The following KAT6B variants were observed in gnomAD, a reference collection of about 807,000 sequenced individuals.
KAT6B encodes histone acetyltransferase KAT6B.
A neutral mutation model predicts 187.5 loss-of-function variants in KAT6B; 10 were observed. The ratio of observed to expected loss-of-function variants is 0.05; its 90% confidence interval spans 0.03 to 0.09. The LOEUF (loss-of-function observed/expected upper bound fraction) is 0.09. KAT6B is among the 10% of genes least tolerant of loss of function. KAT6B has a pLI of 1.00. For missense variants in KAT6B, 1,952 were observed against 2,558.9 expected (o/e 0.76, Z 5.12); for synonymous variants, 861 against 926.8 (o/e 0.93, Z 1.29).
At chr10:74,958,669 T>C (rs968206471) in intron 3 of KAT6B, among the ~76,000 whole-genome samples, 1 of 152,176 alleles carries the variant, frequency 6.6e-6, no homozygotes, top group African/African-American at 2.4e-5. Flanking sequence ...GATTTATACA[T>C]TGTTAAAAGC....
intron 1 of KAT6B, among the ~76,000 whole-genome samples, chr10:74,831,109 A>G (rs1840823944): frequency 6.6e-6 from 1 of 151,876 alleles, no homozygotes; most frequent in South Asian, 2.1e-4. Context: ...ATACTTTTTT[A>G]GCCATTTAGA....
intron 15 of KAT6B, 54 bp from the exon 16 acceptor site, chr10:75,021,827 T>A (rs1435438884): frequency 1.9e-6 from 3 of 1,596,906 alleles, no homozygotes; most frequent in East Asian, 4.5e-5. Context: ...CCTCAGAGGC[T>A]CTGGCTGTGT....
upstream of KAT6B, among the ~76,000 whole-genome samples, chr10:74,826,370 C>T (rs914111688): frequency 6.0e-5 from 9 of 151,236 alleles, no homozygotes; most frequent in Non-Finnish European, 7.4e-5. Flanking sequence ...AGTGGACCCT[C>T]CCCCGGGGTG....
rs1314978170 is a variant in KAT6B at position 74,928,653 on chromosome 10, A to T, written c.622-31317A>T. Among the ~76,000 whole-genome samples the T allele has an allele frequency of 1.3e-5, 2 of 152,322 alleles. 1 individual carries two copies. The highest frequency in any genetic ancestry group is 4.1e-4 in the South Asian group (2 of 4,824). ...TCTTAGCTCACTTATGTCATTTGTCATATGAACTTTTTGGAGAAAGAAATA... is the reference window on the plus strand; with the variant it reads ...TCTTAGCTCACTTATGTCATTTGTCTTATGAACTTTTTGGAGAAAGAAATA... On this transcript the variant is annotated intron_variant, in intron 3 of 17. Transcript: ENST00000287239.
chr10:74,863,138 A>G (rs953726017), intron 3 of KAT6B, among the ~76,000 whole-genome samples: 1 of 152,214 alleles, frequency 6.6e-6, no homozygotes, highest in Non-Finnish European at 1.5e-5. Flanking sequence ...TATCACTGCA[A>G]ATTTGACTAT....
At chr10:74,900,218 A>T (rs1231193807) in intron 3 of KAT6B, among the ~76,000 whole-genome samples, 1 of 152,244 alleles carries the variant, frequency 6.6e-6, no homozygotes, top group Non-Finnish European at 1.5e-5. Flanking sequence ...CAAATGTTAA[A>T]TATTTAAAAT....
rs377275320 is a variant in KAT6B, at chr10:75,029,136, G to A, written c.4312G>A (p.Glu1438Lys). The change falls in exon 18 of 18, where the codon GAA becomes AAA. Residue 1438 changes from glutamate (E) to lysine (K), a missense_variant. Physicochemically the swap from Glu to Lys is moderately conservative, Grantham distance 56. Transcript: ENST00000287239. The surrounding 1 kb of genome is among the most constrained non-coding windows in gnomAD (Gnocchi z 6.2). The part of the protein sequence containing the change: ...DEDDSHMESA[E>K]VEKEELPRES... Reference sequence around the variant, plus strand: ...GGATGACAGCCACATGGAGTCTGCCGAAGTGGAGAAGGAAGAGCTGCCCAG... The same window carrying A: ...GGATGACAGCCACATGGAGTCTGCCAAAGTGGAGAAGGAAGAGCTGCCCAG... 1.1e-4 allele frequency: 172 copies of A among 1,614,028 alleles called. No homozygotes were observed. The highest frequency in any genetic ancestry group is 1.4e-4 in the Non-Finnish European group (165 of 1,180,028).
rs1226075264 is a variant in KAT6B at position 75,030,399 on chromosome 10, G to C, written c.5575G>C (p.Val1859Leu). Reference sequence around the variant, plus strand: ...CACACCATTAAGTAACACAGGGCTTGTTCAACTTTCTCAGTCTCCACACTC... The same window carrying C: ...CACACCATTAAGTAACACAGGGCTTCTTCAACTTTCTCAGTCTCCACACTC... ...LSTPLSNTGL[V>L]QLSQSPHSVP... is the part of the protein sequence containing the mutation. The change falls in exon 18 of 18, where the codon GTT becomes CTT. Residue 1859 changes from valine to leucine, a missense_variant. Physicochemically the swap from Val to Leu is conservative, Grantham distance 32. This residue lies in a region of KAT6B where 358 missense variants were observed against 436.3 expected (regional missense o/e 0.82). Transcript: ENST00000287239. This position sits in a 1 kb window ranked among gnomAD's most constrained non-coding sequence, Gnocchi z 4.8. 1 of 1,614,234 alleles carries C rather than the reference G, an allele frequency of 6.2e-7. No homozygotes were observed. The highest frequency in any genetic ancestry group is 2.2e-5 in the East Asian group (1 of 44,890).
intron 3 of KAT6B, among the ~76,000 whole-genome samples, chr10:74,927,093 A>G (rs760306748): frequency 1.4e-4 from 22 of 152,228 alleles, no homozygotes; most frequent in Non-Finnish European, 2.6e-4. Context: ...TATTATCACA[A>G]AATCTCACTG....
chr10:74,900,841 G>A (rs1029823886), intron 3 of KAT6B, among the ~76,000 whole-genome samples: 1 of 152,204 alleles, frequency 6.6e-6, no homozygotes, highest in Non-Finnish European at 1.5e-5. Flanking sequence ...GGGTTAAACA[G>A]AGACCTATTC....
intron 3 of KAT6B, among the ~76,000 whole-genome samples, chr10:74,917,315 C>T (rs1847763043): frequency 6.6e-6 from 1 of 152,136 alleles, no homozygotes; most frequent in Admixed American, 6.5e-5. Context: ...TCAGGAAATT[C>T]ACTGGTATAA....
chr10:74,868,967 A>G (rs1203881866), intron 3 of KAT6B, among the ~76,000 whole-genome samples: 1 of 152,210 alleles, frequency 6.6e-6, no homozygotes, highest in African/African-American at 2.4e-5. Context: ...TGTTTTAATG[A>G]AAATCAGCCT....
At chr10:74,943,110 C>G (rs769138294) in intron 3 of KAT6B, among the ~76,000 whole-genome samples, 1 of 152,078 alleles carries the variant, frequency 6.6e-6, no homozygotes, top group African/African-American at 2.4e-5. Flanking sequence ...AAGACAGCTG[C>G]TAAAACTAGA....
At chr10:74,991,188 A>AC (rs1388666113) in intron 13 of KAT6B, among the ~76,000 whole-genome samples, 12 of 152,192 alleles carry the variant, frequency 7.9e-5, no homozygotes, top group African/African-American at 2.7e-4. Flanking sequence ...GAGGTTTCAT[A>AC]CTTCCAACTT....
intron 3 of KAT6B, among the ~76,000 whole-genome samples, chr10:74,879,646 A>C (rs1336568200): frequency 6.6e-6 from 1 of 152,204 alleles, no homozygotes; most frequent in Non-Finnish European, 1.5e-5. Flanking sequence ...CATTCTGAGA[A>C]GCCTTTCAAT....
In KAT6B at chr10:74,843,285, C is replaced by G. The variant is rs370236468; in HGVS notation, c.428C>G (p.Thr143Ser). 4 of 1,613,830 alleles carry G rather than the reference C, an allele frequency of 2.5e-6. No individual in the cohort carries two copies. The African/African-American group carries it at 4.0e-5, about 16-fold the overall frequency. ...LRSQSDLTST[T>S]NNPAFQQRLR... ...AGTCAAAGTGATCTCACAAGCACCA[C>G]CAACAACCCAGCCTTTCAGCAGCGG... The change falls in exon 3 of 18, where the codon ACC becomes AGC. Residue 143 changes from threonine (T) to serine (S), a missense_variant. Thr to Ser is a moderately conservative substitution (Grantham distance 58, BLOSUM62 1). Coordinates refer to ENST00000287239, the MANE Select transcript of KAT6B (RefSeq NM_012330.4).
At chr10:75,016,940 T>G (rs189236017) in intron 13 of KAT6B, among the ~76,000 whole-genome samples, 127 of 148,190 alleles carry the variant, frequency 8.6e-4, no homozygotes, top group African/African-American at 3.0e-3. Context: ...CTCGGCTCAC[T>G]GCAACCTCTG....
chr10:74,833,551 C>T (rs1404010356), intron 1 of KAT6B, among the ~76,000 whole-genome samples: 1 of 152,132 alleles, frequency 6.6e-6, no homozygotes, highest in Non-Finnish European at 1.5e-5. Flanking sequence ...GGACCTGTCT[C>T]TACTAATTTA....
At chr10:74,962,671 C>G (rs1193511426) in intron 4 of KAT6B, among the ~76,000 whole-genome samples, 1 of 152,174 alleles carries the variant, frequency 6.6e-6, no homozygotes, top group Non-Finnish European at 1.5e-5. Context: ...TTTCAGTCGT[C>G]CCTATCTGAA....
Sources: allele counts gnomAD v4.1 joint callset (sites outside exome capture counted in the v4.1 genomes callset), GRCh38; gene constraint gnomAD v4.1.1; regional missense constraint gnomAD v4.1.1; non-coding constraint Gnocchi (gnomAD v3.1); transcripts MANE v1.5; gene names NCBI Gene and HGNC (gene_info 2026-07-23, HGNC 2026-07-21).